TGFBR3: variants seen among roughly 807,000 people sequenced by gnomAD.
TGFBR3 encodes the protein transforming growth factor beta receptor 3, also known as transforming growth factor beta receptor type 3.
In TGFBR3, 46 loss-of-function variants were observed where a neutral mutation model predicts 87.9. The observed-to-expected ratio is 0.52, with a 90% CI of 0.41 to 0.67. TGFBR3 has a LOEUF of 0.67. TGFBR3 is among the 30% of genes least tolerant of loss of function. The pLI is 0.00. For synonymous variants in TGFBR3, 381 were observed against 391.6 expected (o/e 0.97, Z 0.32); for missense variants, 866 against 1,041.9 (o/e 0.83, Z 2.32).
intron 2 of TGFBR3, among the ~76,000 whole-genome samples, chr1:91,850,548 A>G (rs1677688772): frequency 6.6e-6 from 1 of 152,192 alleles, no homozygotes; most frequent in Non-Finnish European, 1.5e-5. Flanking sequence ...TGGGAGGCTA[A>G]GGTGGGCAGA....
At chr1:91,825,302 C>T (rs1210663027) in intron 2 of TGFBR3, among the ~76,000 whole-genome samples, 22 of 152,116 alleles carry the variant, frequency 1.4e-4, no homozygotes, top group Non-Finnish European at 1.0e-4. Context: ...TATTACTTGG[C>T]CATAAAAAGG....
chr1:91,718,020 G>A (rs190672639), intron 10 of TGFBR3, among the ~76,000 whole-genome samples: 13 of 152,052 alleles, frequency 8.5e-5, no homozygotes, highest in African/African-American at 2.4e-4. Context: ...ATAACTGAAC[G>A]AAAATTCATG....
At chr1:91,904,485 C>T (rs1159121145) in intron 1 of TGFBR3, among the ~76,000 whole-genome samples, 2 of 151,542 alleles carry the variant, frequency 1.3e-5, no homozygotes, top group African/African-American at 4.8e-5. Flanking sequence ...CAACCTCTGC[C>T]TCCCGGGTTC....
chr1:91,754,835 G>T (rs1481029527), intron 4 of TGFBR3, among the ~76,000 whole-genome samples: 2 of 151,984 alleles, frequency 1.3e-5, no homozygotes, highest in Non-Finnish European at 2.9e-5. Context: ...AAATAAAAAG[G>T]TCACCCTGAT....
chr1:91,800,322 A>ATG (rs1343623901), intron 2 of TGFBR3, among the ~76,000 whole-genome samples: 1 of 87,410 alleles, frequency 1.1e-5, no homozygotes, highest in Non-Finnish European at 2.6e-5. Flanking sequence ...ATGTATATAT[A>ATG]TGTGTATATG....
intron 2 of TGFBR3, among the ~76,000 whole-genome samples, chr1:91,835,608 C>G (rs928832184): frequency 2.6e-5 from 4 of 151,978 alleles, no homozygotes; most frequent in Admixed American, 6.6e-5. Context: ...GTGGGCAGAT[C>G]ATGAGGTCAG....
chr1:91,758,032 C>A (rs9887957), intron 4 of TGFBR3, among the ~76,000 whole-genome samples: 4 of 152,214 alleles, frequency 2.6e-5, no homozygotes, highest in African/African-American at 9.6e-5. Context: ...ACAACTAGCA[C>A]ACTTGAATGT....
chr1:91,849,916 G>A (rs944021846), intron 2 of TGFBR3, among the ~76,000 whole-genome samples: 3 of 151,622 alleles, frequency 2.0e-5, no homozygotes, highest in Admixed American at 6.6e-5. Flanking sequence ...CCCCGTCTCT[G>A]CTAAAAATAC....
intron 2 of TGFBR3, among the ~76,000 whole-genome samples, chr1:91,818,154 CTCACCATTAAT>C (rs1676302001): frequency 6.6e-6 from 1 of 151,992 alleles, no homozygotes; most frequent in Non-Finnish European, 1.5e-5. Flanking sequence ...AGTGAGATTT[CTCACCATTAAT>C]TCACTCTTCA....
intron 16 of TGFBR3, 99 bp from the exon 17 acceptor site, chr1:91,683,956 A>G: frequency 8.5e-7 from 1 of 1,177,534 alleles, no homozygotes; most frequent in Non-Finnish European, 1.2e-6. Context: ...ATTTTAACTG[A>G]TATTTTTCTC....
Position 91,854,540 on chromosome 1 carries a change from T to A in TGFBR3, c.61+6931A>T, listed in dbSNP as rs577185453. 2.6e-5 allele frequency among the ~76,000 whole-genome samples: 4 copies of A among 152,006 alleles called. No individual in the cohort carries two copies. The South Asian group carries it at 6.2e-4, about 24-fold the overall frequency. ...GAGGCCCCCTTCCTACAGCCCCCTA[T>A]AAAAATGTGAAAAAAAATAATATAT... is the stretch of plus-strand genomic sequence containing the variant. On this transcript the variant is annotated intron_variant, in intron 2 of 16. Transcript: ENST00000212355.
intron 12 of TGFBR3, among the ~76,000 whole-genome samples, chr1:91,713,378 G>T (rs1212944413): frequency 6.6e-6 from 1 of 152,160 alleles, no homozygotes; most frequent in Non-Finnish European, 1.5e-5. Context: ...CAACTATCCT[G>T]AACTTAGCTA....
intron 1 of TGFBR3, among the ~76,000 whole-genome samples, chr1:91,882,652 G>C (rs1006669943): frequency 2.0e-5 from 3 of 152,120 alleles, no homozygotes; most frequent in Non-Finnish European, 4.4e-5. Context: ...GGCTGAGGCA[G>C]GAGAATGGCG....
intron 3 of TGFBR3, among the ~76,000 whole-genome samples, chr1:91,779,047 C>T (rs1409720918): frequency 6.6e-6 from 1 of 152,066 alleles, no homozygotes; most frequent in African/African-American, 2.4e-5. Context: ...CACTGCAGCA[C>T]AGTGAGCAAT....
intron 15 of TGFBR3, among the ~76,000 whole-genome samples, chr1:91,697,259 T>C (rs894769182): frequency 1.3e-5 from 2 of 152,226 alleles, no homozygotes; most frequent in African/African-American, 4.8e-5. Context: ...TGAGTTCATA[T>C]TGTTCCATAA....
chr1:91,843,252 T>G (rs921858465), intron 2 of TGFBR3, among the ~76,000 whole-genome samples: 2 of 152,114 alleles, frequency 1.3e-5, no homozygotes, highest in Admixed American at 6.5e-5. Flanking sequence ...GTGGAGCAAT[T>G]AGGTCATGAG....
intron 3 of TGFBR3, among the ~76,000 whole-genome samples, chr1:91,773,867 C>T (rs1185342577): frequency 6.6e-6 from 1 of 152,190 alleles, no homozygotes; most frequent in Non-Finnish European, 1.5e-5. Flanking sequence ...AGTGCTTTCT[C>T]CTTTCAACAA....
At chr1:91,834,458 G>A (rs1370425964) in intron 2 of TGFBR3, among the ~76,000 whole-genome samples, 1 of 152,164 alleles carries the variant, frequency 6.6e-6, no homozygotes, top group East Asian at 1.9e-4. Flanking sequence ...TTATTTTCCT[G>A]CACTAAAGTG....
chr1:91,801,685 C>T (rs929089019), intron 2 of TGFBR3, among the ~76,000 whole-genome samples: 6 of 152,024 alleles, frequency 3.9e-5, no homozygotes, highest in South Asian at 2.1e-4. Flanking sequence ...AACATCTCTA[C>T]ATGTTGAAAC....
Sources: gnomAD v4.1 joint callset for allele counts (sites outside exome capture counted in the v4.1 genomes callset) on GRCh38, gnomAD v4.1.1 for gene constraint, MANE v1.5 for transcripts, NCBI Gene and HGNC (gene_info 2026-07-23, HGNC 2026-07-21) for gene names.